Variants in TAB2 observed in about 807,000 individuals in gnomAD.
TAB2 encodes TGF-beta activated kinase 1 (MAP3K7) binding protein 2.
A neutral mutation model predicts 65.0 loss-of-function variants in TAB2; 3 were observed. That is an observed-to-expected ratio of 0.05 (90% CI 0.02 to 0.12). The LOEUF (loss-of-function observed/expected upper bound fraction) is 0.12, where lower values mean the gene tolerates loss of function less well. TAB2 is among the 10% of genes least tolerant of loss of function. The pLI, the probability that TAB2 is intolerant of heterozygous loss-of-function variation, is 1.00. For missense variants in TAB2, 623 were observed against 840.3 expected (o/e 0.74, Z 3.20); for synonymous variants, 298 against 285.1 (o/e 1.05, Z -0.46).
intron 2 of TAB2, 28 bp from the exon 3 acceptor site, chr6:149,377,990 C>A: frequency 6.4e-7 from 1 of 1,569,372 alleles, no homozygotes; most frequent in South Asian, 1.1e-5. Flanking sequence ...TGATTGTTAA[C>A]ATCAATCAAT....
chr6:149,356,989 C>T (rs905951322), intron 1 of TAB2, among the ~76,000 whole-genome samples: 1 of 152,158 alleles, frequency 6.6e-6, no homozygotes, highest in Admixed American at 6.6e-5. Context: ...TTTACAGATA[C>T]CTTGACTATT....
intron 1 of TAB2, among the ~76,000 whole-genome samples, chr6:149,236,455 A>G (rs1460547628): frequency 6.6e-6 from 1 of 152,190 alleles, no homozygotes; most frequent in Non-Finnish European, 1.5e-5. Flanking sequence ...AAAGATTCTA[A>G]TGCCCTTTTA....
chr6:149,304,704 A>G (rs1779030773), intron 1 of TAB2, among the ~76,000 whole-genome samples: 1 of 152,172 alleles, frequency 6.6e-6, no homozygotes, highest in Non-Finnish European at 1.5e-5. Flanking sequence ...TAGGTACACC[A>G]TTATCAGGAT....
chr6:149,390,389 T>G (rs1321977047), intron 3 of TAB2, among the ~76,000 whole-genome samples: 1 of 152,222 alleles, frequency 6.6e-6, no homozygotes, highest in Non-Finnish European at 1.5e-5. Context: ...AATCTTTGTA[T>G]CTACAAGTCC....
At chr6:149,275,932 T>C (rs1467687468) in intron 1 of TAB2, among the ~76,000 whole-genome samples, 2 of 152,230 alleles carry the variant, frequency 1.3e-5, no homozygotes, top group African/African-American at 4.8e-5. Flanking sequence ...TATGAAGATA[T>C]GATGACTAAA....
At chr6:149,242,101 G>A (rs541019812) in intron 1 of TAB2, among the ~76,000 whole-genome samples, 13 of 152,232 alleles carry the variant, frequency 8.5e-5, no homozygotes, top group Non-Finnish European at 1.8e-4. Flanking sequence ...GTCACTGCTC[G>A]GGATGGCCCT....
intron 1 of TAB2, among the ~76,000 whole-genome samples, chr6:149,325,608 A>G (rs1779576503): frequency 6.6e-6 from 1 of 152,198 alleles, no homozygotes; most frequent in African/African-American, 2.4e-5. Context: ...AATCTATAAT[A>G]TAGTTCTTCT....
chr6:149,370,179 T>G, intron 2 of TAB2, 80 bp downstream of exon 2: 1 of 1,208,234 alleles, frequency 8.3e-7, no homozygotes, highest in Non-Finnish European at 1.2e-6. Flanking sequence ...TCTTTTAGGT[T>G]ATCTTCTTGT....
At chr6:149,232,889 G>T (rs1777431429) in intron 1 of TAB2, among the ~76,000 whole-genome samples, 1 of 152,086 alleles carries the variant, frequency 6.6e-6, no homozygotes, top group Admixed American at 6.5e-5. Context: ...GAATGCTGTC[G>T]TACCCCTGGC....
At chr6:149,280,484 A>G (rs148563955) in intron 1 of TAB2, among the ~76,000 whole-genome samples, 132 of 152,276 alleles carry the variant, frequency 8.7e-4, no homozygotes, top group African/African-American at 3.0e-3. Flanking sequence ...CATCTTCTCA[A>G]ATAGAATAAC....
chr6:149,294,027 C>A (rs577849), intron 1 of TAB2, among the ~76,000 whole-genome samples: 1 of 151,972 alleles, frequency 6.6e-6, no homozygotes, highest in South Asian at 2.1e-4. Flanking sequence ...AAAAAAAACC[C>A]TAAGAATTGC....
chr6:149,380,529 T>C (rs923674857), intron 3 of TAB2, among the ~76,000 whole-genome samples: 9 of 152,254 alleles, frequency 5.9e-5, no homozygotes, highest in Non-Finnish European at 1.0e-4. Flanking sequence ...TAGAGAAATT[T>C]CTGTCATATG....
chr6:149,249,037 A>T (rs1390052816), intron 1 of TAB2, among the ~76,000 whole-genome samples: 4 of 151,592 alleles, frequency 2.6e-5, no homozygotes, highest in Admixed American at 2.0e-4. Context: ...ATTCCTTCCT[A>T]TATTTTATTT....
At chr6:149,284,616 A>C (rs1183411847) in intron 1 of TAB2, among the ~76,000 whole-genome samples, 1 of 150,346 alleles carries the variant, frequency 6.7e-6, no homozygotes, top group Non-Finnish European at 1.5e-5. Flanking sequence ...ACTCTGAGTA[A>C]ATTCATATCT....
At chr6:149,355,016 T>G (rs543303328) in intron 1 of TAB2, among the ~76,000 whole-genome samples, 2 of 152,320 alleles carry the variant, frequency 1.3e-5, no homozygotes, top group South Asian at 4.1e-4. Context: ...CAAATTGACA[T>G]CTATAGAGAC....
intron 1 of TAB2, among the ~76,000 whole-genome samples, chr6:149,222,708 A>G (rs1043490006): frequency 6.6e-6 from 1 of 152,074 alleles, no homozygotes; most frequent in Non-Finnish European, 1.5e-5. Flanking sequence ...TACACTATAT[A>G]ACAATTACTC....
At chr6:149,309,772 T>G (rs1049986523) in intron 1 of TAB2, among the ~76,000 whole-genome samples, 2 of 152,104 alleles carry the variant, frequency 1.3e-5, no homozygotes, top group African/African-American at 4.8e-5. Flanking sequence ...ATATATAATG[T>G]GTTTACATTT....
At chr6:149,229,639 A>T (rs1777361380) in intron 1 of TAB2, among the ~76,000 whole-genome samples, 1 of 152,134 alleles carries the variant, frequency 6.6e-6, no homozygotes, top group African/African-American at 2.4e-5. Context: ...GCCTGGCAAT[A>T]GGTGGTGATC....
intron 1 of TAB2, among the ~76,000 whole-genome samples, chr6:149,285,011 A>G (rs1778644874): frequency 6.6e-6 from 1 of 152,132 alleles, no homozygotes; most frequent in South Asian, 2.1e-4. Flanking sequence ...AATCTGGGGC[A>G]CTGTCACATA....
Sources: allele counts gnomAD v4.1 joint callset (sites outside exome capture counted in the v4.1 genomes callset), GRCh38; gene constraint gnomAD v4.1.1; transcripts MANE v1.5; gene names NCBI Gene and HGNC (gene_info 2026-07-23, HGNC 2026-07-21).